The following RBFOX1 variants were observed in gnomAD, a reference collection of about 807,000 sequenced individuals.
The protein encoded by RBFOX1 is RNA binding protein fox-1 homolog 1.
In RBFOX1, 8 loss-of-function variants were observed where a neutral mutation model predicts 57.7. The observed-to-expected ratio is 0.14, with a 90% CI of 0.08 to 0.25. The LOEUF is 0.25. RBFOX1 is among the 10% of genes least tolerant of loss of function. The pLI, the probability that RBFOX1 is intolerant of heterozygous loss-of-function variation, is 1.00. For missense variants in RBFOX1, 611 were observed against 548.5 expected, an observed-to-expected ratio of 1.11 and a Z score of -1.14; for synonymous variants, 326 against 222.4, an observed-to-expected ratio of 1.47 and a Z score of -4.15.
intron 1 of RBFOX1, among the ~76,000 whole-genome samples, chr16:6,074,205 A>T (rs1811320): frequency 6.6e-6 from 1 of 151,856 alleles, no homozygotes; most frequent in African/African-American, 2.4e-5. Flanking sequence ...GCCTCAGCCT[A>T]CCAAAGTGCT....
intron 3 of RBFOX1, among the ~76,000 whole-genome samples, chr16:6,731,106 C>T (rs1289424810): frequency 6.6e-6 from 1 of 152,100 alleles, no homozygotes; most frequent in Admixed American, 6.6e-5. Context: ...GGTTATATTC[C>T]TCCCTTGGAA....
intron 3 of RBFOX1, among the ~76,000 whole-genome samples, chr16:5,846,101 G>A (rs1484478387): frequency 1.3e-5 from 2 of 151,770 alleles, no homozygotes; most frequent in Non-Finnish European, 1.5e-5. Context: ...AGAATCACTT[G>A]AACCTTGGAG....
At chr16:7,129,059 T>C (rs552471336) in intron 4 of RBFOX1, among the ~76,000 whole-genome samples, 1 of 152,008 alleles carries the variant, frequency 6.6e-6, no homozygotes, top group Non-Finnish European at 1.5e-5. Context: ...AACCTCGTGA[T>C]CCGCCCACCT....
chr16:5,714,117 G>T lies in RBFOX1; in HGVS notation c.318+115156G>T, dbSNP rs145283222. On this transcript the variant is annotated intron_variant, in intron 3 of 19. Coordinates refer to the RBFOX1 transcript ENST00000641259. ...GCACAGAAGAGCTAGGGACTATCTT[G>T]CATTTCCACCATATCTGTTTATAAA... Among the ~76,000 whole-genome samples, 365 of 152,278 alleles carry T rather than the reference G, an allele frequency of 2.4e-3. 2 individuals are homozygous for T. The highest frequency in any genetic ancestry group is 4.6e-3 in the Non-Finnish European group (314 of 68,024).
At chr16:6,029,620 A>C (rs1207535139) in intron 1 of RBFOX1, among the ~76,000 whole-genome samples, 6 of 152,020 alleles carry the variant, frequency 3.9e-5, no homozygotes, top group Non-Finnish European at 7.4e-5. Flanking sequence ...AAAAATACAA[A>C]AAATTAGCCG....
intron 1 of RBFOX1, among the ~76,000 whole-genome samples, chr16:5,434,966 C>T (rs2067871876): frequency 6.6e-6 from 1 of 152,186 alleles, no homozygotes; most frequent in African/African-American, 2.4e-5. Context: ...CTATTAATTT[C>T]ACATTATCAA....
At chr16:7,210,770 C>G (rs1323712715) in intron 4 of RBFOX1, among the ~76,000 whole-genome samples, 1 of 151,946 alleles carries the variant, frequency 6.6e-6, no homozygotes, top group African/African-American at 2.4e-5. Flanking sequence ...ATGACATGTC[C>G]AAGGTCACAC....
intron 2 of RBFOX1, among the ~76,000 whole-genome samples, chr16:6,504,689 A>G (rs1232397220): frequency 6.6e-6 from 1 of 152,210 alleles, no homozygotes; most frequent in Non-Finnish European, 1.5e-5. Flanking sequence ...TTGTACATGC[A>G]TTGAATTGCA....
chr16:7,016,754 C>T (rs1314498790), intron 3 of RBFOX1, among the ~76,000 whole-genome samples: 1 of 152,160 alleles, frequency 6.6e-6, no homozygotes, highest in Non-Finnish European at 1.5e-5. Flanking sequence ...GTCTACTTCA[C>T]TGGGCCGTTT....
At chr16:6,506,619 A>G (rs810609) in intron 2 of RBFOX1, among the ~76,000 whole-genome samples, 70,613 of 132,296 alleles carry the variant, frequency 0.53, 19,477 homozygotes, top group Admixed American at 0.62. Context: ...CAATCACAGT[A>G]GCTAATTTTT....
At chr16:6,547,588 T>A (rs1567635879) in intron 2 of RBFOX1, among the ~76,000 whole-genome samples, 1 of 152,174 alleles carries the variant, frequency 6.6e-6, no homozygotes, top group African/African-American at 2.4e-5. Context: ...ACCTTTTTTC[T>A]CTGTCTCCTG....
At chr16:6,858,324 T>C (rs757854037) in intron 3 of RBFOX1, among the ~76,000 whole-genome samples, 15 of 152,222 alleles carry the variant, frequency 9.9e-5, no homozygotes, top group Admixed American at 5.2e-4. Context: ...GATATCTAGC[T>C]TAGGATTTTC....
chr16:6,987,910 A>G (rs949168259), intron 3 of RBFOX1, among the ~76,000 whole-genome samples: 1 of 152,192 alleles, frequency 6.6e-6, no homozygotes, highest in African/African-American at 2.4e-5. Context: ...TGAAATGTTT[A>G]TGATGGCTGG....
At chr16:7,032,953 G>T (rs2043191173) in intron 3 of RBFOX1, among the ~76,000 whole-genome samples, 1 of 152,128 alleles carries the variant, frequency 6.6e-6, no homozygotes, top group African/African-American at 2.4e-5. Flanking sequence ...GCTTCAATTT[G>T]GGAGACAGTG....
intron 2 of RBFOX1, among the ~76,000 whole-genome samples, chr16:6,355,287 C>T (rs868491591): frequency 6.6e-6 from 1 of 152,034 alleles, no homozygotes; most frequent in South Asian, 2.1e-4. Context: ...CTCCCCCAGC[C>T]CCCCAGCCCC....
At chr16:7,218,808 C>A (rs887811843) in intron 4 of RBFOX1, among the ~76,000 whole-genome samples, 5 of 151,830 alleles carry the variant, frequency 3.3e-5, no homozygotes, top group African/African-American at 1.2e-4. Context: ...AATCAGGAAC[C>A]TGTCTAGAAG....
At chr16:7,332,678 C>G (rs775423547) in intron 4 of RBFOX1, 6 of 783,158 alleles carry the variant, frequency 7.7e-6, no homozygotes, top group South Asian at 3.4e-5. Context: ...CTCTGTCTCT[C>G]TCTCTCTCTG....
intron 1 of RBFOX1, among the ~76,000 whole-genome samples, chr16:6,030,556 C>G (rs1596512137): frequency 6.6e-6 from 1 of 151,980 alleles, no homozygotes; most frequent in African/African-American, 2.4e-5. Flanking sequence ...TGCAAGGTAC[C>G]TAATGTGAAC....
At chr16:7,427,778 C>T (rs62015707) in intron 4 of RBFOX1, among the ~76,000 whole-genome samples, 2 of 151,930 alleles carry the variant, frequency 1.3e-5, no homozygotes, top group Non-Finnish European at 2.9e-5. Flanking sequence ...CTCAGCCTCC[C>T]GAGTAGCTGG....
Sources: gnomAD v4.1 joint callset for allele counts (sites outside exome capture counted in the v4.1 genomes callset) on GRCh38, gnomAD v4.1.1 for gene constraint, MANE v1.5 for transcripts, NCBI Gene and HGNC (gene_info 2026-07-23, HGNC 2026-07-21) for gene names.